Variants in EFNA5 observed in about 807,000 individuals in gnomAD.
EFNA5 encodes the protein ephrin-A5.
EFNA5 carries 5 observed loss-of-function variants against 22.9 expected under a neutral mutation model. The observed-to-expected ratio is 0.22, with a 90% CI of 0.11 to 0.46. The LOEUF is 0.46. EFNA5 is among the 20% of genes least tolerant of loss of function. EFNA5 has a pLI of 0.99. For missense variants in EFNA5, 237 were observed against 293.3 expected (o/e 0.81, Z 1.40); for synonymous variants, 113 against 112.2 (o/e 1.01, Z -0.04).
At chr5:107,519,640 G>T (rs1322390598) in intron 1 of EFNA5, among the ~76,000 whole-genome samples, 1 of 152,210 alleles carries the variant, frequency 6.6e-6, no homozygotes, top group African/African-American at 2.4e-5. Flanking sequence ...TTTCTTTGGG[G>T]CATGGAGCGA....
At position 107,431,260 on chromosome 5, in the gene EFNA5, A is replaced by G. The variant is rs540444228; in HGVS notation, c.126-3751T>C. ...GGAATTCATAAAAGGCAGCTATATA[A>G]CGTACTCAAGTATAATCCAAAGAAA... On this transcript the variant is annotated intron_variant, in intron 1 of 4. Transcript: ENST00000333274. Among the ~76,000 whole-genome samples the G allele has an allele frequency of 1.3e-4, 20 of 152,304 alleles. No individual in the cohort carries two copies. In the South Asian group the frequency reaches 3.3e-3, roughly 25 times the overall value.
chr5:107,655,136 C>T (rs892451691), intron 1 of EFNA5, among the ~76,000 whole-genome samples: 2 of 151,932 alleles, frequency 1.3e-5, no homozygotes, highest in African/African-American at 4.8e-5. Context: ...AGTAAGTTAT[C>T]AAAATTTAAA....
chr5:107,634,359 A>G (rs1473942112), intron 1 of EFNA5, among the ~76,000 whole-genome samples: 1 of 152,164 alleles, frequency 6.6e-6, no homozygotes, highest in Non-Finnish European at 1.5e-5. Context: ...TCTACAAAAG[A>G]TTAGAAAATT....
At chr5:107,662,727 G>A (rs1750987846) in intron 1 of EFNA5, among the ~76,000 whole-genome samples, 1 of 149,414 alleles carries the variant, frequency 6.7e-6, no homozygotes, top group Non-Finnish European at 1.5e-5. Context: ...TTCATATTTA[G>A]AGGTACCTAT....
intron 1 of EFNA5, among the ~76,000 whole-genome samples, chr5:107,467,615 T>C (rs1410574168): frequency 6.6e-6 from 1 of 152,218 alleles, no homozygotes; most frequent in Non-Finnish European, 1.5e-5. Context: ...AGGTGGCACG[T>C]GGATAACCAA....
At chr5:107,512,810 C>T (rs1747399339) in intron 1 of EFNA5, among the ~76,000 whole-genome samples, 1 of 152,056 alleles carries the variant, frequency 6.6e-6, no homozygotes, top group South Asian at 2.1e-4. Context: ...CACTACCTCA[C>T]CATGGGTTGC....
At chr5:107,617,347 A>G (rs1749944199) in intron 1 of EFNA5, among the ~76,000 whole-genome samples, 2 of 152,128 alleles carry the variant, frequency 1.3e-5, no homozygotes, top group Admixed American at 1.3e-4. Flanking sequence ...CATTAATTCT[A>G]GGAACATTCA....
intron 1 of EFNA5, among the ~76,000 whole-genome samples, chr5:107,641,183 C>T (rs1750501844): frequency 6.6e-6 from 1 of 151,784 alleles, no homozygotes; most frequent in South Asian, 2.1e-4. Context: ...CATGGTGAAA[C>T]CCATCTCTAC....
At chr5:107,520,001 G>C (rs555594635) in intron 1 of EFNA5, among the ~76,000 whole-genome samples, 2 of 152,142 alleles carry the variant, frequency 1.3e-5, no homozygotes, top group Admixed American at 1.3e-4. Flanking sequence ...TTCTTTAAAG[G>C]GGGGAAACAG....
intron 2 of EFNA5, among the ~76,000 whole-genome samples, chr5:107,406,180 A>G (rs1361707427): frequency 6.7e-6 from 1 of 149,370 alleles, no homozygotes; most frequent in Admixed American, 6.7e-5. Context: ...TTATATACAT[A>G]GAATGTATAC....
intron 2 of EFNA5, among the ~76,000 whole-genome samples, chr5:107,421,641 G>A (rs890303145): frequency 2.0e-5 from 3 of 151,964 alleles, no homozygotes; most frequent in Non-Finnish European, 2.9e-5. Flanking sequence ...CATCTGATTC[G>A]GGGTTCCTAG....
intron 1 of EFNA5, among the ~76,000 whole-genome samples, chr5:107,661,157 T>A (rs1358925595): frequency 6.6e-6 from 1 of 151,484 alleles, no homozygotes; most frequent in African/African-American, 2.4e-5. Flanking sequence ...AAAAAAAGTA[T>A]TAGCTAAATA....
chr5:107,641,185 C>A (rs1316056293), intron 1 of EFNA5, among the ~76,000 whole-genome samples: 1 of 151,896 alleles, frequency 6.6e-6, no homozygotes, highest in African/African-American at 2.4e-5. Flanking sequence ...TGGTGAAACC[C>A]ATCTCTACTA....
chr5:107,624,848 C>T (rs866639196), intron 1 of EFNA5, among the ~76,000 whole-genome samples: 1 of 152,044 alleles, frequency 6.6e-6, no homozygotes, highest in Non-Finnish European at 1.5e-5. Flanking sequence ...CCTTTCTGAA[C>T]AACATTAAGA....
chr5:107,548,756 C>G (rs1168865304), intron 1 of EFNA5, among the ~76,000 whole-genome samples: 1 of 152,150 alleles, frequency 6.6e-6, no homozygotes, highest in Non-Finnish European at 1.5e-5. Flanking sequence ...GTTTCCTCAT[C>G]TGTAGGAAGC....
chr5:107,473,689 C>T (rs1241454298), intron 1 of EFNA5, among the ~76,000 whole-genome samples: 4 of 141,308 alleles, frequency 2.8e-5, no homozygotes, highest in African/African-American at 1.1e-4. Context: ...GACAGAGTTT[C>T]GCTCTTGTTG....
chr5:107,495,460 G>T (rs1359601957), intron 1 of EFNA5, among the ~76,000 whole-genome samples: 4 of 152,198 alleles, frequency 2.6e-5, no homozygotes, highest in Admixed American at 1.3e-4. Context: ...TCATCGCGAG[G>T]GTCCGCGGCC....
At chr5:107,403,471 AT>A (rs1202355907) in intron 2 of EFNA5, among the ~76,000 whole-genome samples, 1 of 152,244 alleles carries the variant, frequency 6.6e-6, no homozygotes, top group Non-Finnish European at 1.5e-5. Flanking sequence ...AGAAAGACAG[AT>A]TTGTGGAAAA....
intron 1 of EFNA5, among the ~76,000 whole-genome samples, chr5:107,520,298 G>A (rs1747567436): frequency 6.6e-6 from 1 of 152,180 alleles, no homozygotes; most frequent in African/African-American, 2.4e-5. Context: ...GAATCAATAA[G>A]AGTGAGAAAA....
Sources: gnomAD v4.1 joint callset for allele counts (sites outside exome capture counted in the v4.1 genomes callset) on GRCh38, gnomAD v4.1.1 for gene constraint, MANE v1.5 for transcripts, NCBI Gene and HGNC (gene_info 2026-07-23, HGNC 2026-07-21) for gene names.